The following NBEAL1 variants were observed in gnomAD, a reference collection of about 807,000 sequenced individuals.
The protein encoded by NBEAL1 is neurobeachin like 1.
NBEAL1 carries 273 observed loss-of-function variants against 351.3 expected under a neutral mutation model. The observed-to-expected ratio is 0.78, with a 90% confidence interval of 0.70 to 0.86. The LOEUF (loss-of-function observed/expected upper bound fraction) is 0.86, where lower values mean the gene tolerates loss of function less well. NBEAL1 is among the 40% of genes least tolerant of loss of function. The pLI, the probability that NBEAL1 is intolerant of heterozygous loss-of-function variation, is 0.00. For synonymous variants in NBEAL1, 1,050 were observed against 1,086.4 expected (o/e 0.97, Z 0.66); for missense variants, 2,961 against 3,201.3 (o/e 0.92, Z 1.81).
At chr2:203,046,423 T>C (rs2061227512) in intron 3 of NBEAL1, among the ~76,000 whole-genome samples, 1 of 152,052 alleles carries the variant, frequency 6.6e-6, no homozygotes, top group African/African-American at 2.4e-5. Flanking sequence ...TTCACCGTGT[T>C]AGCCAAGATG....
chr2:203,153,159 G>T (rs2063705271), intron 35 of NBEAL1, among the ~76,000 whole-genome samples: 1 of 151,992 alleles, frequency 6.6e-6, no homozygotes, highest in Non-Finnish European at 1.5e-5. Flanking sequence ...TTGAGACTGG[G>T]ACTCTCTCTG....
chr2:203,138,510 G>T, intron 30 of NBEAL1, 110 bp from the exon 31 acceptor site: 1 of 1,199,376 alleles, frequency 8.3e-7, no homozygotes, highest in East Asian at 2.5e-5. Flanking sequence ...ACTGAACATT[G>T]GACTAGCTTT....
intron 12 of NBEAL1, among the ~76,000 whole-genome samples, chr2:203,104,709 A>C (rs1293644818): frequency 6.6e-6 from 1 of 151,690 alleles, no homozygotes; most frequent in Non-Finnish European, 1.5e-5. Flanking sequence ...CATATTTAGC[A>C]CTCCCTTCAG....
intron 36 of NBEAL1, among the ~76,000 whole-genome samples, chr2:203,164,844 T>C (rs766877063): frequency 6.6e-6 from 1 of 150,596 alleles, no homozygotes; most frequent in Non-Finnish European, 1.5e-5. Context: ...CTGTGAGTGG[T>C]AGAAGCTCCC....
chr2:203,175,150 TG>T lies in NBEAL1; in HGVS notation c.6328del (p.Glu2110LysfsTer32), dbSNP rs1559038509. 6.2e-7 allele frequency: 1 copy of T among 1,609,724 alleles called. No individual in the cohort carries two copies. The highest frequency in any genetic ancestry group is 1.7e-5 in the Admixed American group (1 of 59,290). On this transcript the variant is annotated frameshift_variant, in exon 42 of 56. Transcript: ENST00000683969. LOFTEE classifies it high-confidence loss of function. ...CTTTAGGATTTTTTCCCCACAGATA[TG>T]AAAATTTTGAGGATCCTATGGGAAC... is the stretch of plus-strand genomic sequence containing the variant. Reference protein sequence around the residue: ...KNAKAMREKYENFEDPMGTID... With the variant: ...KNAKAMREKYXNFEDPMGTID...
chr2:203,186,786 C>T (rs969095548), intron 44 of NBEAL1, among the ~76,000 whole-genome samples: 16 of 152,134 alleles, frequency 1.1e-4, no homozygotes, highest in African/African-American at 3.9e-4. Flanking sequence ...TTATAGGTTT[C>T]TTATGTGTCA....
chr2:203,186,617 AAAAT>A (rs201998154), intron 44 of NBEAL1, among the ~76,000 whole-genome samples: 47 of 152,082 alleles, frequency 3.1e-4, no homozygotes, highest in South Asian at 2.7e-3. Context: ...TTATTCCATA[AAAAT>A]AAATAAATAA....
At chr2:203,137,280 G>A (rs2063238080) in intron 29 of NBEAL1, among the ~76,000 whole-genome samples, 1 of 152,130 alleles carries the variant, frequency 6.6e-6, no homozygotes, top group South Asian at 2.1e-4. Flanking sequence ...AGATTTTTTT[G>A]TGATTTTTTT....
chr2:203,166,262 T>TA lies in NBEAL1; in HGVS notation c.5828_5829insA (p.Tyr1944LeufsTer4). The stretch of plus-strand genomic sequence containing the variant: ...AGATTAGAAATCACTACTCAACACA[T>TA]TTACTTCTATGATGGCAGCATTGAA... On this transcript the variant is annotated frameshift_variant, in exon 37 of 56. Coordinates refer to ENST00000683969, the MANE Select transcript of NBEAL1 (RefSeq NM_001378026.1). LOFTEE classifies it high-confidence loss of function. The TA allele has an allele frequency of 6.2e-7, 1 of 1,611,012 alleles. No homozygotes were observed. Among genetic ancestry groups the TA allele is most frequent in the Non-Finnish European group, 8.5e-7 (1 of 1,179,230 alleles).
chr2:203,183,430 A>T (rs763757717), intron 44 of NBEAL1, 42 bp downstream of exon 44: 4 of 1,134,188 alleles, frequency 3.5e-6, no homozygotes, highest in East Asian at 4.8e-5. Flanking sequence ...ATAATAAGAT[A>T]AAAGATGTGT....
chr2:203,066,912 G>A (rs1352556466), intron 6 of NBEAL1, among the ~76,000 whole-genome samples: 4 of 136,404 alleles, frequency 2.9e-5, no homozygotes, highest in African/African-American at 8.5e-5. Context: ...GGGCAGAGGC[G>A]CTCCCCACCT....
intron 15 of NBEAL1, among the ~76,000 whole-genome samples, chr2:203,110,732 G>A (rs2062550941): frequency 6.9e-6 from 1 of 144,786 alleles, no homozygotes; most frequent in Admixed American, 6.9e-5. Flanking sequence ...ACGTTAGGAT[G>A]TCTTAAGGTT....
At chr2:203,078,088 C>A (rs1216741129) in intron 8 of NBEAL1, among the ~76,000 whole-genome samples, 1 of 152,096 alleles carries the variant, frequency 6.6e-6, no homozygotes, top group Non-Finnish European at 1.5e-5. Context: ...TTTATGTTAG[C>A]TTTCAAGCAC....
chr2:203,105,259 G>A (rs935306436), intron 12 of NBEAL1, among the ~76,000 whole-genome samples: 7 of 151,766 alleles, frequency 4.6e-5, no homozygotes, highest in South Asian at 4.2e-4. Context: ...TCAGGAGATC[G>A]AGACCATCGT....
intron 36 of NBEAL1, among the ~76,000 whole-genome samples, chr2:203,160,233 C>A (rs113905159): frequency 1.3e-5 from 2 of 152,074 alleles, no homozygotes; most frequent in Admixed American, 1.3e-4. Context: ...GCATCTGCCA[C>A]CATGCTCCCG....
In NBEAL1 at chr2:203,203,970, C is replaced by T. The variant is rs1383185490; in HGVS notation, c.7506+1189C>T. ...AGATGGAGTCTTGCTCTGTCCTGAGCCCAGCTAGAGTGCAGTGGCGCAAGC... is the reference window on the plus strand; with the variant it reads ...AGATGGAGTCTTGCTCTGTCCTGAGTCCAGCTAGAGTGCAGTGGCGCAAGC... On this transcript the variant is annotated intron_variant, in intron 51 of 55. Transcript: ENST00000683969. Among the ~76,000 whole-genome samples the T allele has an allele frequency of 2.0e-5, 3 of 150,570 alleles. No individual in the cohort carries two copies. The East Asian group carries it at 5.9e-4, about 29-fold the overall frequency.
In NBEAL1 at chr2:203,218,749, G is replaced by A. The variant is rs1352505365; in HGVS notation, c.*1395G>A. On this transcript the variant is annotated 3_prime_UTR_variant, in exon 56 of 56. Coordinates refer to ENST00000683969, the MANE Select transcript of NBEAL1 (RefSeq NM_001378026.1). Reference sequence around the variant, plus strand: ...TGCCCTTTTCTTTATAATCTTTTGAGTGAGTAAAAAAATTTTAAGAAATAA... The same window carrying A: ...TGCCCTTTTCTTTATAATCTTTTGAATGAGTAAAAAAATTTTAAGAAATAA... 1 of 151,984 alleles carries A rather than the reference G, an allele frequency of 6.6e-6. No homozygotes were observed. Among genetic ancestry groups the A allele is most frequent in the African/African-American group, 2.4e-5 (1 of 41,380 alleles). 9.4% of individuals were successfully genotyped at this position (151,984 alleles called of 1,614,324 possible). A position where few individuals can be genotyped will look rare whatever the true frequency, so the allele number is the denominator to read the frequency against.
In NBEAL1 at chr2:203,216,257, CCTT is replaced by C. The variant is rs200169712; in HGVS notation, c.8071-995_8071-993del. Among the ~76,000 whole-genome samples, 832 of 152,244 alleles carry C rather than the reference CCTT, an allele frequency of 5.5e-3. 8 individuals carry two copies. The highest frequency in any genetic ancestry group is 0.019 in the African/African-American group (804 of 41,560). On this transcript the variant is annotated intron_variant, in intron 55 of 55. Coordinates refer to ENST00000683969, the MANE Select transcript of NBEAL1 (RefSeq NM_001378026.1). ...CCTGCCTTCAAGGGGCTTATGCTCT[CCTT>C]GTTTTCTACATTACTTTTTATCATT...
chr2:203,133,841 G>T (rs2063134705), intron 27 of NBEAL1, among the ~76,000 whole-genome samples: 1 of 151,114 alleles, frequency 6.6e-6, no homozygotes, highest in East Asian at 1.9e-4. Context: ...TATATTTGTT[G>T]TATAATATAT....
Sources: allele counts gnomAD v4.1 joint callset (sites outside exome capture counted in the v4.1 genomes callset), GRCh38; gene constraint gnomAD v4.1.1; transcripts MANE v1.5; gene names NCBI Gene and HGNC (gene_info 2026-07-23, HGNC 2026-07-21).